Variants in RALGPS2 observed in about 807,000 individuals in gnomAD.
RALGPS2 encodes the protein ras-specific guanine nucleotide-releasing factor RalGPS2.
A neutral mutation model predicts 86.8 loss-of-function variants in RALGPS2; 43 were observed. The observed-to-expected ratio is 0.50, with a 90% CI of 0.39 to 0.64. The LOEUF is 0.64. RALGPS2 is among the 30% of genes least tolerant of loss of function. The pLI is 0.00. For synonymous variants in RALGPS2, 243 were observed against 231.3 expected (o/e 1.05, Z -0.46); for missense variants, 536 against 694.6 (o/e 0.77, Z 2.57).
Position 178,920,945 on chromosome 1 carries a change from TATCTC to T in RALGPS2, c.*4587_*4591del, listed in dbSNP as rs1222932790. ...TTGAAAATATACAAGAAAGTAAAAA[TATCTC>T]TAATATATAAGTTAAAGGAAAGTTA... On this transcript the variant is annotated 3_prime_UTR_variant, in exon 20 of 20. Coordinates refer to ENST00000367635, the MANE Select transcript of RALGPS2 (RefSeq NM_152663.5). The T allele has an allele frequency of 1.3e-5, 2 of 152,060 alleles. No individual in the cohort carries two copies. Among genetic ancestry groups the T allele is most frequent in the Non-Finnish European group, 2.9e-5 (2 of 67,924 alleles). 9.4% of individuals were successfully genotyped at this position (152,060 alleles called of 1,614,324 possible). A position where few individuals can be genotyped will look rare whatever the true frequency, so the allele number is the denominator to read the frequency against.
At chr1:178,797,034 T>G (rs1319062205) in intron 4 of RALGPS2, among the ~76,000 whole-genome samples, 13 of 152,224 alleles carry the variant, frequency 8.5e-5, no homozygotes, top group Admixed American at 8.5e-4. Flanking sequence ...ATTTAGCCTT[T>G]GCTAAAATGG....
chr1:178,833,622 C>A, intron 8 of RALGPS2, 72 bp downstream of exon 8: 1 of 1,488,098 alleles, frequency 6.7e-7, no homozygotes, highest in South Asian at 1.4e-5. Flanking sequence ...ATGTGAAATT[C>A]AAGGTATTTT....
At chr1:178,817,463 A>G (rs1207194455) in intron 6 of RALGPS2, among the ~76,000 whole-genome samples, 1 of 150,774 alleles carries the variant, frequency 6.6e-6, no homozygotes, top group East Asian at 1.9e-4. Context: ...GTGTAGGTAT[A>G]TTTCTGTTCC....
intron 8 of RALGPS2, among the ~76,000 whole-genome samples, chr1:178,872,806 G>A (rs1188380696): frequency 6.6e-6 from 1 of 152,154 alleles, no homozygotes; most frequent in Non-Finnish European, 1.5e-5. Flanking sequence ...TGGAATGACA[G>A]GTATTTAGGG....
chr1:178,858,665 A>G (rs1367495102), intron 8 of RALGPS2, among the ~76,000 whole-genome samples: 2 of 152,208 alleles, frequency 1.3e-5, no homozygotes, highest in Non-Finnish European at 2.9e-5. Flanking sequence ...TAATGAAACC[A>G]TATTAATACC....
intron 1 of RALGPS2, among the ~76,000 whole-genome samples, chr1:178,739,295 G>C (rs1650892777): frequency 6.6e-6 from 1 of 152,152 alleles, no homozygotes; most frequent in African/African-American, 2.4e-5. Flanking sequence ...CAGTACTTGA[G>C]AGTGTTATCA....
rs61821341 is a variant in RALGPS2 at position 178,769,365 on chromosome 1, G to A, written c.-83-7317G>A. On this transcript the variant is annotated intron_variant, in intron 1 of 19. Transcript: ENST00000367635. ...CAAATGCTTGGAGATCTGCCTAAGC[G>A]TGCAGTAGAGAGGGCCCTACTGCAC... Among the ~76,000 whole-genome samples the A allele has an allele frequency of 7.8e-4, 118 of 152,110 alleles. 1 individual carries two copies. Among genetic ancestry groups the A allele is most frequent in the Non-Finnish European group, 1.5e-3 (99 of 67,976 alleles).
At chr1:178,843,997 G>A (rs1003397777) in intron 8 of RALGPS2, among the ~76,000 whole-genome samples, 3 of 152,092 alleles carry the variant, frequency 2.0e-5, no homozygotes, top group African/African-American at 4.8e-5. Flanking sequence ...AAACATACAT[G>A]GTTTTGATTC....
chr1:178,845,441 A>G (rs148238408), intron 8 of RALGPS2, among the ~76,000 whole-genome samples: 1,674 of 152,144 alleles, frequency 0.011, 27 homozygotes, highest in African/African-American at 0.038. Flanking sequence ...CCTGTTTATG[A>G]TATTTTCATT....
intron 7 of RALGPS2, among the ~76,000 whole-genome samples, chr1:178,831,878 A>G (rs1056578703): frequency 4.6e-5 from 7 of 152,068 alleles, no homozygotes; most frequent in African/African-American, 1.7e-4. Context: ...TATTTATCTG[A>G]TTATTGATTT....
chr1:178,778,486 C>T (rs1653212911), intron 2 of RALGPS2, among the ~76,000 whole-genome samples: 1 of 28,738 alleles, frequency 3.5e-5, no homozygotes, highest in Middle Eastern at 6.0e-3. Context: ...GTCAGTGTGG[C>T]GATTCCTCAG....
At chr1:178,860,662 A>G (rs1429182750) in intron 8 of RALGPS2, among the ~76,000 whole-genome samples, 1 of 152,198 alleles carries the variant, frequency 6.6e-6, no homozygotes, top group African/African-American at 2.4e-5. Flanking sequence ...TGACCACTCT[A>G]AATACTTCAT....
At chr1:178,849,581 A>G (rs900516425) in intron 8 of RALGPS2, 2 of 152,210 alleles carry the variant, frequency 1.3e-5, no homozygotes, top group Non-Finnish European at 2.9e-5. Context: ...GATTTGGTGT[A>G]ACAGTTAGAT....
intron 4 of RALGPS2, among the ~76,000 whole-genome samples, chr1:178,797,469 A>G (rs1054892478): frequency 6.6e-6 from 1 of 152,170 alleles, no homozygotes; most frequent in Admixed American, 6.5e-5. Context: ...TTTTAGCTTC[A>G]TAATTCATTA....
chr1:178,906,283 G>A (rs1342083713), intron 18 of RALGPS2, among the ~76,000 whole-genome samples: 8 of 152,006 alleles, frequency 5.3e-5, no homozygotes, highest in African/African-American at 1.9e-4. Context: ...GCCGAGACAC[G>A]AGAATCTCAT....
At chr1:178,828,480 T>C (rs543572458) in intron 7 of RALGPS2, among the ~76,000 whole-genome samples, 5 of 152,336 alleles carry the variant, frequency 3.3e-5, no homozygotes, top group Admixed American at 6.5e-5. Context: ...TACAGTATTA[T>C]AATCTTATGG....
intron 1 of RALGPS2, among the ~76,000 whole-genome samples, chr1:178,757,049 T>TTC (rs1651994093): frequency 6.6e-6 from 1 of 152,086 alleles, no homozygotes; most frequent in Non-Finnish European, 1.5e-5. Flanking sequence ...CCTAGGTATT[T>TTC]TGTTGTTGTT....
chr1:178,827,980 C>T (rs1273136087), intron 7 of RALGPS2, among the ~76,000 whole-genome samples: 1 of 152,124 alleles, frequency 6.6e-6, no homozygotes. Flanking sequence ...ATACTTAGTA[C>T]TTAAACATGA....
intron 1 of RALGPS2, among the ~76,000 whole-genome samples, chr1:178,728,819 A>C (rs565810403): frequency 6.6e-6 from 1 of 152,194 alleles, no homozygotes; most frequent in Non-Finnish European, 1.5e-5. Flanking sequence ...TGATTTAGGA[A>C]AACTTTTAAC....
Sources: allele counts gnomAD v4.1 joint callset (sites outside exome capture counted in the v4.1 genomes callset), GRCh38; gene constraint gnomAD v4.1.1; transcripts MANE v1.5; gene names NCBI Gene and HGNC (gene_info 2026-07-23, HGNC 2026-07-21).